Variants in ITGB6 observed in about 807,000 individuals in gnomAD.
ITGB6 encodes integrin subunit beta 6.
ITGB6 carries 80 observed loss-of-function variants against 84.5 expected under a neutral mutation model. The ratio of observed to expected loss-of-function variants is 0.95; its 90% CI spans 0.79 to 1.14. The LOEUF (loss-of-function observed/expected upper bound fraction) is 1.14, where lower values mean the gene tolerates loss of function less well. Among genes scored for constraint, ITGB6 ranks in the 50% most tolerant of loss-of-function variants. ITGB6 has a pLI of 0.00. For synonymous variants in ITGB6, 383 were observed against 354.9 expected (o/e 1.08, Z -0.89); for missense variants, 1,006 against 968.0 (o/e 1.04, Z -0.52).
chr2:160,169,418 G>T, intron 6 of ITGB6, 111 bp from the exon 7 acceptor site: 1 of 603,024 alleles, frequency 1.7e-6, no homozygotes, highest in Non-Finnish European at 2.9e-6. Flanking sequence ...ATGCTCACAG[G>T]CATTATAGCT....
intron 7 of ITGB6, among the ~76,000 whole-genome samples, chr2:160,153,534 A>G (rs1285391137): frequency 6.6e-6 from 1 of 152,234 alleles, no homozygotes. Flanking sequence ...ATGGGCAAGG[A>G]CTTCATGACT....
chr2:160,114,668 T>TGC (rs1682684712), intron 12 of ITGB6, among the ~76,000 whole-genome samples: 1 of 152,024 alleles, frequency 6.6e-6, no homozygotes, highest in African/African-American at 2.4e-5. Context: ...GGTCAGTGGG[T>TGC]GCGCGCACCG....
At chr2:160,158,967 T>C (rs897410084) in intron 7 of ITGB6, among the ~76,000 whole-genome samples, 5 of 151,956 alleles carry the variant, frequency 3.3e-5, no homozygotes, top group African/African-American at 1.2e-4. Flanking sequence ...GGTGTGGTGG[T>C]GTGCGCCTGT....
rs1696972401 is a variant in ITGB6 at position 160,107,856 on chromosome 2, A to G, written c.2102-11T>C. 2 of 1,565,874 alleles carry G rather than the reference A, an allele frequency of 1.3e-6. No homozygotes were observed. The highest frequency in any genetic ancestry group is 1.4e-5 in the African/African-American group (1 of 73,630). ...GAGGCTTCGGACAATCTGCAGAAAT[A>G]AAGAAAATTATAAGAAGGTGGTAAA... On this transcript the variant is annotated splice_polypyrimidine_tract_variant and intron_variant, in intron 13 of 14. Coordinates refer to ENST00000283249, the MANE Select transcript of ITGB6 (RefSeq NM_000888.5).
At chr2:160,119,253 T>C (rs1192915383) in intron 12 of ITGB6, among the ~76,000 whole-genome samples, 4 of 152,222 alleles carry the variant, frequency 2.6e-5, no homozygotes, top group Non-Finnish European at 5.9e-5. Context: ...TCATGCTACC[T>C]GACTTCAAAC....
At chr2:160,183,190 A>T (rs1192460252) in intron 4 of ITGB6, among the ~76,000 whole-genome samples, 2 of 152,240 alleles carry the variant, frequency 1.3e-5, no homozygotes, top group Non-Finnish European at 2.9e-5. Context: ...TAAAATACAC[A>T]TAGTGGCAAA....
intron 8 of ITGB6, among the ~76,000 whole-genome samples, chr2:160,138,742 A>C (rs1046085430): frequency 1.3e-5 from 2 of 152,190 alleles, no homozygotes; most frequent in African/African-American, 4.8e-5. Flanking sequence ...TTGATAACAA[A>C]TTTACACCCT....
At chr2:160,123,944 G>A (rs149174466) in intron 11 of ITGB6, 56 bp from the exon 12 acceptor site, 205 of 1,266,384 alleles carry the variant, frequency 1.6e-4, no homozygotes, top group Middle Eastern at 3.7e-4. Context: ...TAGATTTGCA[G>A]CTTGAATATT....
intron 4 of ITGB6, among the ~76,000 whole-genome samples, chr2:160,186,159 G>A (rs563436026): frequency 6.6e-6 from 1 of 150,784 alleles, no homozygotes; most frequent in East Asian, 2.0e-4. Flanking sequence ...CACAGCAAAA[G>A]AAACTATTAT....
At chr2:160,147,248 T>C (rs1684233221) in intron 7 of ITGB6, among the ~76,000 whole-genome samples, 1 of 152,094 alleles carries the variant, frequency 6.6e-6, no homozygotes, top group African/African-American at 2.4e-5. Flanking sequence ...TCCCAGTCAT[T>C]ACTCCTCCCC....
rs184135116 is a variant in ITGB6 at position 160,182,031 on chromosome 2, A to G, written c.594-7892T>C. The stretch of plus-strand genomic sequence containing the variant: ...AAAGGTAGATAAATCCACGAAGATG[A>G]GGAAAAACTAATGCAAAAAGACTGA... On this transcript the variant is annotated intron_variant, in intron 4 of 14. Coordinates refer to ENST00000283249, the MANE Select transcript of ITGB6 (RefSeq NM_000888.5). Among the ~76,000 whole-genome samples the G allele has an allele frequency of 3.9e-5, 6 of 152,340 alleles. No homozygotes were observed. In the East Asian group the frequency reaches 1.2e-3, roughly 29 times the overall value.
At chr2:160,188,899 T>C (rs796286935) in intron 4 of ITGB6, among the ~76,000 whole-genome samples, 53 of 152,164 alleles carry the variant, frequency 3.5e-4, no homozygotes, top group African/African-American at 1.3e-3. Context: ...CCATCACACC[T>C]GGCCAACTCA....
intron 2 of ITGB6, among the ~76,000 whole-genome samples, chr2:160,197,938 G>A (rs1177448753): frequency 6.6e-6 from 1 of 152,154 alleles, no homozygotes; most frequent in Admixed American, 6.5e-5. Flanking sequence ...ATATTAGAGT[G>A]GCCTCTTAGA....
chr2:160,162,637 A>C (rs535611216), intron 7 of ITGB6, among the ~76,000 whole-genome samples: 1 of 152,120 alleles, frequency 6.6e-6, no homozygotes, highest in Non-Finnish European at 1.5e-5. Context: ...TTATTTTTTG[A>C]GATGGAGTTT....
chr2:160,111,072 G>A (rs1464764845), intron 13 of ITGB6, among the ~76,000 whole-genome samples: 1 of 151,574 alleles, frequency 6.6e-6, no homozygotes, highest in African/African-American at 2.4e-5. Context: ...TTATTGTGTG[G>A]AAGAATAAAA....
At chr2:160,136,258 C>G (rs574346833) in intron 10 of ITGB6, among the ~76,000 whole-genome samples, 3,756 of 152,276 alleles carry the variant, frequency 0.025, 147 homozygotes, top group African/African-American at 0.085. Context: ...ACAGACACTT[C>G]TCAAAAGAAG....
chr2:160,198,377 T>C (rs1445619286), intron 2 of ITGB6, among the ~76,000 whole-genome samples: 1 of 152,218 alleles, frequency 6.6e-6, no homozygotes, highest in African/African-American at 2.4e-5. Flanking sequence ...CGAGGTTTGT[T>C]GCTCTTTGAG....
At chr2:160,155,055 G>T (rs1021645267) in intron 7 of ITGB6, among the ~76,000 whole-genome samples, 4 of 152,118 alleles carry the variant, frequency 2.6e-5, no homozygotes, top group African/African-American at 2.4e-5. Context: ...CCTTCTCCGC[G>T]CCTGCTTTTC....
intron 4 of ITGB6, among the ~76,000 whole-genome samples, chr2:160,178,361 A>C (rs987460496): frequency 1.3e-5 from 2 of 152,206 alleles, no homozygotes; most frequent in East Asian, 1.9e-4. Context: ...TGTTTAATCT[A>C]TTATTTGGGG....
Sources: gnomAD v4.1 joint callset for allele counts (sites outside exome capture counted in the v4.1 genomes callset) on GRCh38, gnomAD v4.1.1 for gene constraint, MANE v1.5 for transcripts, NCBI Gene and HGNC (gene_info 2026-07-23, HGNC 2026-07-21) for gene names.